Variants in C1orf50 observed in about 807,000 individuals in gnomAD.
C1orf50 encodes chromosome 1 open reading frame 50.
In C1orf50, 22 loss-of-function variants were observed where a neutral mutation model predicts 23.3. The observed-to-expected ratio is 0.94, with a 90% confidence interval of 0.67 to 1.35. The LOEUF is 1.35. C1orf50 is among the 40% of genes most tolerant of loss of function. The pLI is 0.00. For missense variants in C1orf50, 271 were observed against 249.4 expected, an observed-to-expected ratio of 1.09 and a Z score of -0.58; for synonymous variants, 96 against 102.4, an observed-to-expected ratio of 0.94 and a Z score of 0.38.
chr1:42,775,002 A>T, intron 4 of C1orf50, 134 bp downstream of exon 4: 2 of 1,170,696 alleles, frequency 1.7e-6, no homozygotes, highest in Admixed American at 2.3e-5. Flanking sequence ...CCCAGACATG[A>T]CTCTAAAAAA....
At chr1:42,771,039 T>C (rs1653209808) in intron 2 of C1orf50, among the ~76,000 whole-genome samples, 2 of 152,242 alleles carry the variant, frequency 1.3e-5, no homozygotes. Flanking sequence ...CTAGGCTACA[T>C]ATACTTTCCA....
In C1orf50 at chr1:42,768,305, A is replaced by G. The variant is rs527476429; in HGVS notation, c.195+681A>G. Among the ~76,000 whole-genome samples the G allele has an allele frequency of 2.6e-5, 4 of 152,372 alleles. 1 individual carries two copies. Among genetic ancestry groups the G allele is most frequent in the African/African-American group, 9.6e-5 (4 of 41,590 alleles). ...GAAGTAGTAGAGCTCCAAGATCTAA[A>G]GTTTTGTCATTATTCAATGAAAAAC... On this transcript the variant is annotated intron_variant, in intron 2 of 4. Coordinates refer to ENST00000372525, the MANE Select transcript of C1orf50 (RefSeq NM_024097.4).
chr1:42,772,417 G>A (rs1039806385), intron 2 of C1orf50, among the ~76,000 whole-genome samples: 1 of 152,162 alleles, frequency 6.6e-6, no homozygotes, highest in Non-Finnish European at 1.5e-5. Context: ...TATTGCCTGA[G>A]TGGTAATCCT....
rs1278643181 is a variant in C1orf50 at position 42,775,722 on chromosome 1, G to T, written c.*328G>T. On this transcript the variant is annotated 3_prime_UTR_variant, in exon 5 of 5. Transcript: ENST00000372525. Reference sequence around the variant, plus strand: ...GAGAAGACCTTCTTCCCATAAAAAGGTTGGTGGATCGTTTTCCAGAGAGAA... The same window carrying T: ...GAGAAGACCTTCTTCCCATAAAAAGTTTGGTGGATCGTTTTCCAGAGAGAA... 6.3e-6 allele frequency: 1 copy of T among 158,542 alleles called. No individual in the cohort carries two copies. The highest frequency in any genetic ancestry group is 1.3e-5 in the Non-Finnish European group (1 of 74,434). 9.8% of individuals were successfully genotyped at this position (158,542 alleles called of 1,614,324 possible). A position where few individuals can be genotyped will look rare whatever the true frequency, so the allele number is the denominator to read the frequency against.
chr1:42,767,512 C>T lies in C1orf50; in HGVS notation c.83C>T (p.Ala28Val), dbSNP rs1438804260. 4 of 1,571,600 alleles carry T rather than the reference C, an allele frequency of 2.5e-6. No individual in the cohort carries two copies. The highest frequency in any genetic ancestry group is 3.5e-6 in the Non-Finnish European group (4 of 1,158,998). ...TGTTCCTGGGTGTGTGTCGCAGGAG[C>T]CCTGGTGGAGCTCACCCCGACCCCC... ...GAPPAAGQGG[A>V]LVELTPTPGG... Residue 28 changes from alanine to valine, a missense_variant, in exon 2 of 5, where the codon GCC becomes GTC. Physicochemically the swap from Ala to Val is moderately conservative, Grantham distance 64. Coordinates refer to ENST00000372525, the MANE Select transcript of C1orf50 (RefSeq NM_024097.4).
intron 3 of C1orf50, among the ~76,000 whole-genome samples, chr1:42,774,002 T>C (rs901021454): frequency 6.6e-5 from 10 of 152,050 alleles, no homozygotes; most frequent in African/African-American, 2.4e-4. Flanking sequence ...TTTGTATTTT[T>C]AGTAGAGATG....
At chr1:42,769,844 A>G (rs1570492134) in intron 2 of C1orf50, 1 of 151,386 alleles carries the variant, frequency 6.6e-6, no homozygotes, top group South Asian at 2.1e-4. Flanking sequence ...CTCCGTCTCA[A>G]AAAAAAAAGT....
At position 42,773,624 on chromosome 1, in the gene C1orf50, A is replaced by G. The variant is rs780490250; in HGVS notation, c.257A>G (p.Gln86Arg). ...NKLTVIAEQIQHLQEQARKVL... is the reference protein window; with the variant it reads ...NKLTVIAEQIRHLQEQARKVL... ...CTGACAGTCATAGCTGAGCAAATCCAACATTTGCAAGAACAAGCCAGGAAG... is the reference window on the plus strand; with the variant it reads ...CTGACAGTCATAGCTGAGCAAATCCGACATTTGCAAGAACAAGCCAGGAAG... The change falls in exon 3 of 5, where the codon CAA becomes CGA. Residue 86 changes from glutamine (Q) to arginine (R), a missense_variant. Transcript: ENST00000372525. 9 of 1,612,332 alleles carry G rather than the reference A, an allele frequency of 5.6e-6. No homozygotes were observed. In the African/African-American group the frequency reaches 1.1e-4, roughly 19 times the overall value.
At chr1:42,768,221 C>CT (rs1184824469) in intron 2 of C1orf50, among the ~76,000 whole-genome samples, 1 of 152,208 alleles carries the variant, frequency 6.6e-6, no homozygotes, top group Non-Finnish European at 1.5e-5. Context: ...TGCAGTGCGA[C>CT]TTAAGGCAGA....
chr1:42,770,051 G>C (rs763466493), intron 2 of C1orf50, among the ~76,000 whole-genome samples: 1 of 152,144 alleles, frequency 6.6e-6, no homozygotes, highest in Non-Finnish European at 1.5e-5. Context: ...CATCTCCAGC[G>C]TCATAAAGGT....
chr1:42,774,131 A>G (rs1478598476), intron 3 of C1orf50, among the ~76,000 whole-genome samples: 1 of 152,206 alleles, frequency 6.6e-6, no homozygotes, highest in Non-Finnish European at 1.5e-5. Context: ...AGCATTTAAC[A>G]GGGGATTATG....
In C1orf50 at chr1:42,767,492, C is replaced by G. The variant is rs1174974924; in HGVS notation, c.80-17C>G. ...CGGCGGGAGCTCACGGCTTGTGTTC[C>G]TGGGTGTGTGTCGCAGGAGCCCTGG... is the stretch of plus-strand genomic sequence containing the variant. On this transcript the variant is annotated splice_polypyrimidine_tract_variant and intron_variant, in intron 1 of 4. Coordinates refer to ENST00000372525, the MANE Select transcript of C1orf50 (RefSeq NM_024097.4). The G allele has an allele frequency of 1.3e-6, 2 of 1,558,514 alleles. No homozygotes were observed. The highest frequency in any genetic ancestry group is 1.2e-5 in the South Asian group (1 of 84,958).
intron 2 of C1orf50, among the ~76,000 whole-genome samples, chr1:42,767,929 C>T (rs1653119436): frequency 6.6e-6 from 1 of 152,184 alleles, no homozygotes; most frequent in Non-Finnish European, 1.5e-5. Flanking sequence ...GTAGGCAGTA[C>T]AGAGTTATTC....
chr1:42,771,888 G>T (rs537592070), intron 2 of C1orf50, among the ~76,000 whole-genome samples: 2 of 151,344 alleles, frequency 1.3e-5, no homozygotes, highest in Admixed American at 1.3e-4. Context: ...TGAGGTGCGA[G>T]ATTTGCTTGA....
chr1:42,773,519 C>T, intron 2 of C1orf50, 44 bp from the exon 3 acceptor site: 1 of 1,176,212 alleles, frequency 8.5e-7, no homozygotes, highest in Non-Finnish European at 1.3e-6. Flanking sequence ...TCATAGAAGT[C>T]TTTTCCTCTT....
At chr1:42,771,047 C>G (rs1474564395) in intron 2 of C1orf50, among the ~76,000 whole-genome samples, 1 of 152,192 alleles carries the variant, frequency 6.6e-6, no homozygotes, top group Non-Finnish European at 1.5e-5. Context: ...CATATACTTT[C>G]CAATTCCCCA....
At chr1:42,767,809 A>G (rs1329736498) in intron 2 of C1orf50, among the ~76,000 whole-genome samples, 185 bp downstream of exon 2, 2 of 152,196 alleles carry the variant, frequency 1.3e-5, no homozygotes, top group African/African-American at 2.4e-5. Context: ...TTCTGGGACC[A>G]AAGGTTCCTC....
chr1:42,769,769 G>C (rs1372817727), intron 2 of C1orf50: 8 of 152,110 alleles, frequency 5.3e-5, no homozygotes, highest in Admixed American at 5.2e-4. Flanking sequence ...CTTGAACCTG[G>C]GAGGCAGATG....
chr1:42,767,345 G>T lies in C1orf50; in HGVS notation c.34G>T (p.Gly12Trp). 1 of 1,536,474 alleles carries T rather than the reference G, an allele frequency of 6.5e-7. No individual in the cohort carries two copies. Among genetic ancestry groups the T allele is most frequent in the East Asian group, 2.4e-5 (1 of 42,348 alleles). ...EDAAAPGRTE[G>W]VLERQGAPPA... ...CGCCGCCGCGCCGGGGCGGACCGAG[G>T]GGGTCCTTGAAAGGCAAGGAGCGCC... Residue 12 changes from glycine (G) to tryptophan (W), a missense_variant, in exon 1 of 5, where the codon GGG (glycine) becomes TGG (tryptophan). Coordinates refer to ENST00000372525, the MANE Select transcript of C1orf50 (RefSeq NM_024097.4).
Sources: gnomAD v4.1 joint callset for allele counts (sites outside exome capture counted in the v4.1 genomes callset) on GRCh38, gnomAD v4.1.1 for gene constraint, MANE v1.5 for transcripts, NCBI Gene and HGNC (gene_info 2026-07-23, HGNC 2026-07-21) for gene names.